Variants in SAFB2 observed in about 807,000 individuals in gnomAD.
The protein encoded by SAFB2 is scaffold attachment factor B2.
Under a neutral mutation model 100.6 loss-of-function variants are expected in SAFB2, and 32 were observed. That is an observed-to-expected ratio of 0.32 (90% CI 0.24 to 0.43). The LOEUF (loss-of-function observed/expected upper bound fraction) is 0.43. SAFB2 is among the 20% of genes least tolerant of loss of function. The pLI is 1.00. For synonymous variants in SAFB2, 500 were observed against 439.4 expected (o/e 1.14, Z -1.72); for missense variants, 1,185 against 1,163.4 (o/e 1.02, Z -0.27).
rs759320265 is a variant in SAFB2 at position 5,622,697 on chromosome 19, C to A, written c.19G>T (p.Gly7Trp). Residue 7 changes from glycine to tryptophan, a missense_variant, in exon 1 of 21, where the codon GGG becomes TGG. By Grantham distance (184) the Gly-to-Trp change is radical. Around this residue, in one of 3 missense-constraint regions of SAFB2, gnomAD observed 351 missense variants for 341.2 expected, o/e 1.03. Transcript: ENST00000252542. Reference protein sequence around the residue: MAETLPGSGDSGPGTAS... With the variant: MAETLPWSGDSGPGTAS... The stretch of plus-strand genomic sequence containing the variant: ...GTGCCAGGGCCCGAGTCGCCCGACC[C>A]GGGCAGAGTCTCCGCCATCGTCGCG... 1.2e-6 allele frequency: 2 copies of A among 1,604,522 alleles called. No homozygotes were observed. The highest frequency in any genetic ancestry group is 1.7e-6 in the Non-Finnish European group (2 of 1,178,238).
intron 5 of SAFB2, 102 bp from the exon 6 acceptor site, chr19:5,612,669 G>GT: frequency 1.1e-6 from 1 of 892,418 alleles, no homozygotes; most frequent in Non-Finnish European, 1.8e-6. Flanking sequence ...ATAAATGCCT[G>GT]TTTCCACAAA....
chr19:5,611,888 C>T, intron 6 of SAFB2: 1 of 612,258 alleles, frequency 1.6e-6, no homozygotes, highest in East Asian at 3.1e-5. Context: ...GCGGCTGGTT[C>T]TCAATAGTCT....
intron 2 of SAFB2, among the ~76,000 whole-genome samples, chr19:5,617,875 T>C (rs888603181): frequency 1.3e-5 from 2 of 151,956 alleles, no homozygotes; most frequent in Non-Finnish European, 2.9e-5. Context: ...GGCACAGTGG[T>C]TCACGCCTGT....
intron 14 of SAFB2, 70 bp from the exon 15 acceptor site, chr19:5,594,248 A>C: frequency 6.8e-7 from 1 of 1,463,532 alleles, no homozygotes. Flanking sequence ...GGTGCCCAAA[A>C]CTGGGTGTGT....
At chr19:5,619,602 G>A (rs1038837140) in intron 2 of SAFB2, among the ~76,000 whole-genome samples, 2 of 152,192 alleles carry the variant, frequency 1.3e-5, no homozygotes, top group African/African-American at 2.4e-5. Flanking sequence ...CACTTTGGGA[G>A]GCCCAGGCGG....
Position 5,587,490 on chromosome 19 carries a change from A to G in SAFB2, c.2706-91T>C. On this transcript the variant is annotated intron_variant, in intron 20 of 20. Transcript: ENST00000252542. The surrounding 1 kb of genome is among the most constrained non-coding windows in gnomAD (Gnocchi z 4.9). ...TCAGTAACGGTCCCGCAGCCTTTAG[A>G]GCGCTTGGGTTTTTTTTCCAGGTGA... 6 of 1,496,294 alleles carry G rather than the reference A, an allele frequency of 4.0e-6. No homozygotes were observed. The South Asian group carries it at 7.8e-5, about 19-fold the overall frequency. The allele number at this position is 1,496,294 out of a possible 1,614,324, so 92.7% of individuals were successfully genotyped here. A position where few individuals can be genotyped will look rare whatever the true frequency, so the allele number is the denominator to read the frequency against.
chr19:5,620,865 T>C (rs970426651), intron 2 of SAFB2, among the ~76,000 whole-genome samples: 1 of 152,110 alleles, frequency 6.6e-6, no homozygotes, highest in Non-Finnish European at 1.5e-5. Context: ...TAGTAAAAAA[T>C]AGGCTGAGTG....
chr19:5,601,715 T>TAA (rs1859158927), intron 11 of SAFB2, among the ~76,000 whole-genome samples: 1 of 148,432 alleles, frequency 6.7e-6, no homozygotes. Context: ...CATCTCAAAA[T>TAA]AAATAAATAA....
intron 2 of SAFB2, 124 bp from the exon 3 acceptor site, chr19:5,616,610 C>A: frequency 1.3e-6 from 1 of 778,056 alleles, no homozygotes; most frequent in South Asian, 1.6e-5. Context: ...TCTCCCCTCT[C>A]CTGTCACACG....
chr19:5,591,831 C>T (rs373106214), intron 16 of SAFB2, 38 bp from the exon 17 acceptor site: 39 of 1,609,174 alleles, frequency 2.4e-5, no homozygotes, highest in Non-Finnish European at 3.0e-5. Context: ...CAGCACCAGG[C>T]ACGACTACAC....
At chr19:5,604,390 T>G (rs1034363274) in intron 11 of SAFB2, among the ~76,000 whole-genome samples, 193 bp downstream of exon 11, 1 of 152,030 alleles carries the variant, frequency 6.6e-6, no homozygotes, top group Non-Finnish European at 1.5e-5. Context: ...AGTCCCTGTC[T>G]CCAAAAAATA....
Position 5,594,098 on chromosome 19 carries a change from C to A in SAFB2, c.2000G>T (p.Arg667Leu), listed in dbSNP as rs770357134. The part of the protein sequence containing the change: ...RKEKARLQRE[R>L]LQLECQRQRL... ...CTGGCGCTGGCACTCGAGCTGCAGG[C>A]GTTCCCGCTGTAGCCGGGCCTTCTC... The change falls in exon 15 of 21, where the codon CGC becomes CTC. Residue 667 changes from arginine to leucine, a missense_variant. Coordinates refer to ENST00000252542, the MANE Select transcript of SAFB2 (RefSeq NM_014649.3). The A allele has an allele frequency of 1.9e-6, 3 of 1,599,964 alleles. No individual in the cohort carries two copies. The highest frequency in any genetic ancestry group is 2.5e-6 in the Non-Finnish European group (3 of 1,177,724).
chr19:5,612,549 A>G lies in SAFB2; in HGVS notation c.625T>C (p.Leu209=). 6.2e-7 allele frequency: 1 copy of G among 1,613,678 alleles called. No homozygotes were observed. The highest frequency in any genetic ancestry group is 8.5e-7 in the Non-Finnish European group (1 of 1,179,700). Residue 209 remains leucine (L), a synonymous_variant, in exon 6 of 21, where the codon TTG becomes CTG. Transcript: ENST00000252542. The part of the protein sequence containing the change: ...KVTPDIEESL[L]EPENEKILDI... ...TTTCTCTTATCAGTACCTGGCTCCA[A>G]AAGGGATTCTTCAATGTCCTATTTA... is the stretch of plus-strand genomic sequence containing the variant.
Position 5,587,748 on chromosome 19 carries a change from A to G in SAFB2, c.2658T>C (p.Ser886=). 6.4e-7 allele frequency: 1 copy of G among 1,552,582 alleles called. No individual in the cohort carries two copies. Among genetic ancestry groups the G allele is most frequent in the Non-Finnish European group, 8.7e-7 (1 of 1,147,626 alleles). ...ARWQGGERGL[S]GPSGPGHMAS... ...CCATGTGCCCCGGCCCCGAGGGCCC[A>G]GACAGGCCCCTCTCGCCACCTAGAA... Residue 886 remains serine (S), a synonymous_variant, in exon 20 of 21, where the codon TCT becomes TCC. Coordinates refer to ENST00000252542, the MANE Select transcript of SAFB2 (RefSeq NM_014649.3). This position sits in a 1 kb window ranked among gnomAD's most constrained non-coding sequence, Gnocchi z 4.9.
chr19:5,590,228 T>C (rs1236035877), intron 18 of SAFB2, 50 bp downstream of exon 18: 16 of 1,423,772 alleles, frequency 1.1e-5, no homozygotes, highest in Non-Finnish European at 1.5e-5. Context: ...ACCAACCTTT[T>C]CCCAGGTTAG....
intron 18 of SAFB2, among the ~76,000 whole-genome samples, chr19:5,589,491 G>A (rs1174693792): frequency 1.3e-5 from 2 of 152,022 alleles, no homozygotes; most frequent in Admixed American, 6.5e-5. Flanking sequence ...GGCAGGGTCC[G>A]AGGCAGCCCT....
At chr19:5,589,221 C>T (rs1042538367) in intron 18 of SAFB2, among the ~76,000 whole-genome samples, 27 of 152,194 alleles carry the variant, frequency 1.8e-4, no homozygotes, top group Non-Finnish European at 7.3e-5. Flanking sequence ...TTTACACTCC[C>T]GAGGTATTTA....
intron 18 of SAFB2, among the ~76,000 whole-genome samples, chr19:5,589,591 C>A (rs949682059): frequency 2.0e-5 from 3 of 152,084 alleles, no homozygotes; most frequent in Admixed American, 6.5e-5. Context: ...AGCCTCCTCA[C>A]GGCCAGCCCA....
rs1255841054 is a variant in SAFB2, at chr19:5,594,019, G to A, written c.2079C>T (p.Arg693=). The A allele has an allele frequency of 2.6e-6, 4 of 1,566,232 alleles. No individual in the cohort carries two copies. The East Asian group carries it at 7.0e-5, about 27-fold the overall frequency. Residue 693 remains arginine, a synonymous_variant, in exon 15 of 21, where the codon CGC becomes CGT. Transcript: ENST00000252542. ...GCTCCTTCCTGCGCTCACGCTCCACGCGCATGCGCTCGCGCTCCAGCCGCT... is the reference window on the plus strand; with the variant it reads ...GCTCCTTCCTGCGCTCACGCTCCACACGCATGCGCTCGCGCTCCAGCCGCT... ...ERERLERERM[R]VERERRKEQE... is the part of the protein sequence containing the mutation.
Sources: gnomAD v4.1 joint callset for allele counts (sites outside exome capture counted in the v4.1 genomes callset) on GRCh38, gnomAD v4.1.1 for gene constraint, gnomAD v4.1.1 regional missense constraint, Gnocchi (gnomAD v3.1) non-coding constraint, MANE v1.5 for transcripts, NCBI Gene and HGNC (gene_info 2026-07-23, HGNC 2026-07-21) for gene names.